Variants in TTC5 observed in about 807,000 individuals in gnomAD.
TTC5 encodes tetratricopeptide repeat protein 5.
Under a neutral mutation model 57.4 loss-of-function variants are expected in TTC5, and 46 were observed. The observed-to-expected ratio is 0.80, with a 90% CI of 0.63 to 1.03. TTC5 has a LOEUF of 1.03. Ranked by LOEUF, TTC5 falls within the 50% of genes least tolerant of loss-of-function variation. The pLI, the probability that TTC5 is intolerant of heterozygous loss-of-function variation, is 0.00. For synonymous variants in TTC5, 190 were observed against 203.5 expected, an observed-to-expected ratio of 0.93 and a Z score of 0.57; for missense variants, 504 against 528.1, an observed-to-expected ratio of 0.95 and a Z score of 0.45.
chr14:20,296,355 T>G (rs1488013952), intron 6 of TTC5, 35 bp downstream of exon 6: 2 of 1,556,804 alleles, frequency 1.3e-6, no homozygotes, highest in Non-Finnish European at 1.8e-6. Context: ...TCTTATTTAT[T>G]TGACCCTCAG....
Position 20,289,596 on chromosome 14 carries a change from T to C in TTC5, c.*31A>G, listed in dbSNP as rs772357171. 9 of 1,599,482 alleles carry C rather than the reference T, an allele frequency of 5.6e-6. No individual in the cohort carries two copies. In the Admixed American group the frequency reaches 8.4e-5, roughly 15 times the overall value. ...CTGTCCAGAGCCTTGTCTCCTCTCCTCCACTCCCTGTTGAGCATGCAAGTC... is the reference window on the plus strand; with the variant it reads ...CTGTCCAGAGCCTTGTCTCCTCTCCCCCACTCCCTGTTGAGCATGCAAGTC... On this transcript the variant is annotated 3_prime_UTR_variant, in exon 10 of 10. Coordinates refer to ENST00000258821, the MANE Select transcript of TTC5 (RefSeq NM_138376.3).
chr14:20,297,307 C>T (rs1882086089), intron 5 of TTC5, among the ~76,000 whole-genome samples: 2 of 152,128 alleles, frequency 1.3e-5, no homozygotes, highest in African/African-American at 4.8e-5. Context: ...CAGTGCAGAC[C>T]ATGTGCTGTG....
chr14:20,299,381 T>C lies in TTC5; in HGVS notation c.464A>G (p.Asp155Gly). The C allele has an allele frequency of 1.2e-6, 2 of 1,614,152 alleles. No individual in the cohort carries two copies. Among genetic ancestry groups the C allele is most frequent in the South Asian group, 1.1e-5 (1 of 91,084 alleles). ...VLRQLRTDTE[D>G]EHSHHVMDSV... ...GTCCATGACATGGTGAGAATGTTCATCTTCAGTGTCAGTCCGCAGCTGACG... is the reference window on the plus strand; with the variant it reads ...GTCCATGACATGGTGAGAATGTTCACCTTCAGTGTCAGTCCGCAGCTGACG... Residue 155 changes from aspartate to glycine, a missense_variant, in exon 4 of 10, where the codon GAT becomes GGT. Physicochemically the swap from Asp to Gly is moderately conservative, Grantham distance 94. Coordinates refer to ENST00000258821, the MANE Select transcript of TTC5 (RefSeq NM_138376.3).
intron 2 of TTC5, 99 bp downstream of exon 2, chr14:20,301,734 G>C: frequency 6.8e-7 from 1 of 1,468,520 alleles, no homozygotes; most frequent in South Asian, 1.2e-5. Flanking sequence ...CTACCCTATA[G>C]CAGTAACAGA....
Position 20,289,501 on chromosome 14 carries a change from G to T in TTC5, c.*126C>A. 8.3e-7 allele frequency: 1 copy of T among 1,206,474 alleles called. No individual in the cohort carries two copies. The highest frequency in any genetic ancestry group is 1.1e-6 in the Non-Finnish European group (1 of 881,450). The allele number at this position is 1,206,474 out of a possible 1,614,324, so 74.7% of individuals were successfully genotyped here. On this transcript the variant is annotated 3_prime_UTR_variant, in exon 10 of 10. Transcript: ENST00000258821. ...AGAGATACGAAGTGTAATACAGGCAGGGAAAGAGAAAGTCTTCATTTAAAA... is the reference window on the plus strand; with the variant it reads ...AGAGATACGAAGTGTAATACAGGCATGGAAAGAGAAAGTCTTCATTTAAAA...
rs1180481584 is a variant in TTC5, at chr14:20,289,403, G to C, written c.*224C>G. On this transcript the variant is annotated 3_prime_UTR_variant, in exon 10 of 10. Coordinates refer to ENST00000258821, the MANE Select transcript of TTC5 (RefSeq NM_138376.3). The stretch of plus-strand genomic sequence containing the variant: ...TTAAAACATAGAGAGCAGTGGAAGA[G>C]ACAGGAGAGATATGCCAGAAGAGTA... The C allele has an allele frequency of 1.7e-5, 7 of 405,754 alleles. No individual in the cohort carries two copies. The highest frequency in any genetic ancestry group is 2.0e-5 in the African/African-American group (1 of 50,722). The allele number at this position is 405,754 out of a possible 1,614,324, so 25.1% of individuals were successfully genotyped here. A position where few individuals can be genotyped will look rare whatever the true frequency, so the allele number is the denominator to read the frequency against.
At chr14:20,298,708 T>C in intron 5 of TTC5, 89 bp downstream of exon 5, 1 of 941,846 alleles carries the variant, frequency 1.1e-6, no homozygotes, top group South Asian at 1.5e-5. Context: ...CTGCCCATGA[T>C]GCTTGCTAAA....
Position 20,295,526 on chromosome 14 carries a change from C to T in TTC5, c.844G>A (p.Gly282Arg). ...DRLTSLLESK[G>R]KVKTKKLQSM... is the part of the protein sequence containing the mutation. ...TGCAGCTTTTTGGTCTTCACCTTTC[C>T]CTGCAAAGAAGGGGAAATAGGTAAG... Residue 282 changes from glycine (G) to arginine (R), a missense_variant and splice_region_variant, in exon 8 of 10, where the codon GGA becomes AGA. Coordinates refer to ENST00000258821, the MANE Select transcript of TTC5 (RefSeq NM_138376.3). The T allele has an allele frequency of 6.2e-7, 1 of 1,607,354 alleles. No homozygotes were observed.
intron 1 of TTC5, among the ~76,000 whole-genome samples, chr14:20,304,600 C>A (rs1406648808): frequency 6.6e-6 from 1 of 152,192 alleles, no homozygotes; most frequent in African/African-American, 2.4e-5. Context: ...CCTGCACCGA[C>A]CCCACCCCAA....
chr14:20,291,829 T>A (rs985550377), intron 9 of TTC5, among the ~76,000 whole-genome samples, 154 bp downstream of exon 9: 1 of 151,960 alleles, frequency 6.6e-6, no homozygotes, highest in African/African-American at 2.4e-5. Context: ...AAAATACATA[T>A]ATATATATAA....
intron 5 of TTC5, 23 bp downstream of exon 5, chr14:20,298,774 G>A (rs1882118582): frequency 6.4e-7 from 1 of 1,550,838 alleles, no homozygotes; most frequent in Non-Finnish European, 8.9e-7. Context: ...TATTCATCTG[G>A]CCTGGTGACC....
chr14:20,305,776 C>T, intron 1 of TTC5, 111 bp downstream of exon 1: 1 of 1,134,106 alleles, frequency 8.8e-7, no homozygotes, highest in South Asian at 1.3e-5. Context: ...ACCACACAGA[C>T]GCACGCAGCT....
intron 1 of TTC5, among the ~76,000 whole-genome samples, chr14:20,303,696 A>C (rs1882236928): frequency 6.6e-6 from 1 of 152,200 alleles, no homozygotes; most frequent in Admixed American, 6.5e-5. Flanking sequence ...ACAAACCTTC[A>C]AATAGTTTCC....
chr14:20,297,162 A>T (rs2138812111), intron 5 of TTC5, among the ~76,000 whole-genome samples: 1 of 152,366 alleles, frequency 6.6e-6, no homozygotes, highest in South Asian at 2.1e-4. Context: ...CTCCAGACAC[A>T]TGCGGAATCA....
At chr14:20,296,563 T>C in intron 5 of TTC5, 117 bp from the exon 6 acceptor site, 1 of 834,878 alleles carries the variant, frequency 1.2e-6, no homozygotes, top group Admixed American at 1.9e-5. Flanking sequence ...CTTGCCAAAA[T>C]GGTATTTATA....
intron 2 of TTC5, 23 bp from the exon 3 acceptor site, chr14:20,300,841 A>T (rs370946276): frequency 1.3e-6 from 2 of 1,562,548 alleles, no homozygotes; most frequent in African/African-American, 2.7e-5. Context: ...AAAAAAGATA[A>T]AGTGGGAAAA....
rs1882164733 is a variant in TTC5, at chr14:20,300,405, T to C, written c.396+202A>G. The C allele has an allele frequency of 2.3e-5, 13 of 565,004 alleles. No individual in the cohort carries two copies. The South Asian group carries it at 2.9e-4, about 13-fold the overall frequency. 35.0% of individuals were successfully genotyped at this position (565,004 alleles called of 1,614,324 possible). A position where few individuals can be genotyped will look rare whatever the true frequency, so the allele number is the denominator to read the frequency against. On this transcript the variant is annotated intron_variant, in intron 3 of 9. Coordinates refer to ENST00000258821, the MANE Select transcript of TTC5 (RefSeq NM_138376.3). ...TTCACTTCCTTTCTCCCCCTGAACC[T>C]GATCCCATCATCATCTTCCTTTCCC...
At chr14:20,297,674 G>A (rs1040751256) in intron 5 of TTC5, among the ~76,000 whole-genome samples, 1 of 152,012 alleles carries the variant, frequency 6.6e-6, no homozygotes, top group African/African-American at 2.4e-5. Flanking sequence ...TTGAGAGACT[G>A]AGGCAGGAGA....
In TTC5 at chr14:20,304,181, A is replaced by T. The variant is rs898187594; in HGVS notation, c.51+1706T>A. Among the ~76,000 whole-genome samples the T allele has an allele frequency of 2.0e-5, 3 of 152,140 alleles. No homozygotes were observed. In the East Asian group the frequency reaches 5.8e-4, roughly 29 times the overall value. On this transcript the variant is annotated intron_variant, in intron 1 of 9. Transcript: ENST00000258821. ...AGCTACACCTGAGCACCAGAACGGG[A>T]CTTGGGACATGATAGGCTCTAATTC...
Sources: gnomAD v4.1 joint callset for allele counts (sites outside exome capture counted in the v4.1 genomes callset) on GRCh38, gnomAD v4.1.1 for gene constraint, MANE v1.5 for transcripts, NCBI Gene and HGNC (gene_info 2026-07-23, HGNC 2026-07-21) for gene names.